The following SBNO2 variants were observed in gnomAD, a reference collection of about 807,000 sequenced individuals.
SBNO2 encodes protein strawberry notch homolog 2.
SBNO2 carries 89 observed loss-of-function variants against 146.3 expected under a neutral mutation model. That is an observed-to-expected ratio of 0.61 (90% CI 0.51 to 0.73). The LOEUF (loss-of-function observed/expected upper bound fraction) is 0.73, where lower values mean the gene tolerates loss of function less well. Ranked by LOEUF, SBNO2 falls within the 30% of genes least tolerant of loss-of-function variation. The pLI is 0.00. For synonymous variants in SBNO2, 1,147 were observed against 892.6 expected, an observed-to-expected ratio of 1.29 and a Z score of -5.08; for missense variants, 2,092 against 2,003.7, an observed-to-expected ratio of 1.04 and a Z score of -0.84.
chr19:1,118,111 A>G (rs1319806366), intron 14 of SBNO2, among the ~76,000 whole-genome samples: 1 of 152,102 alleles, frequency 6.6e-6, no homozygotes, highest in Non-Finnish European at 1.5e-5. Context: ...TGAGGCGGTC[A>G]GATCGCCTGA....
intron 4 of SBNO2, among the ~76,000 whole-genome samples, chr19:1,130,744 A>C (rs368714246): frequency 6.6e-6 from 1 of 152,146 alleles, no homozygotes; most frequent in East Asian, 1.9e-4. Flanking sequence ...GGGAGCCGAG[A>C]TCGTGCCACT....
intron 4 of SBNO2, among the ~76,000 whole-genome samples, chr19:1,134,387 C>T (rs1332901323): frequency 3.3e-5 from 5 of 150,252 alleles, no homozygotes; most frequent in Non-Finnish European, 7.4e-5. Context: ...CAGCCTGGCT[C>T]CTGCAGCGCA....
At position 1,108,629 on chromosome 19, in the gene SBNO2, C is replaced by G; in HGVS notation, c.3692G>C (p.Arg1231Thr). 3 of 1,470,084 alleles carry G rather than the reference C, an allele frequency of 2.0e-6. No homozygotes were observed. The highest frequency in any genetic ancestry group is 2.7e-6 in the Non-Finnish European group (3 of 1,119,488). 91.1% of individuals were successfully genotyped at this position (1,470,084 alleles called of 1,614,324 possible). Residue 1231 changes from arginine to threonine, a missense_variant, in exon 32 of 32, where the codon AGG becomes ACG. By Grantham distance (71) the Arg-to-Thr change is moderately conservative. Coordinates refer to ENST00000361757, the MANE Select transcript of SBNO2 (RefSeq NM_014963.3). ...GGGGCAGCCCAGGGCGGGCGCCTGC[C>G]TGCGCTTCACGTCCGCATCCATCAG... is the stretch of plus-strand genomic sequence containing the variant. ...LRLMDADVKR[R>T]QAPALGCPAP...
Position 1,109,340 on chromosome 19 carries a change from C to G in SBNO2, c.3300G>C (p.Arg1100=). ...TGTCCAGGGCCTCCAGCTGGCTCTG[C>G]CGGCCGATGTTGGGCTTGTACACCG... The part of the protein sequence containing the change: ...FFTVYKPNIG[R]QSQLEALDSL... The change falls in exon 29 of 32, where the codon CGG becomes CGC. Residue 1100 remains arginine (R), a synonymous_variant. Transcript: ENST00000361757. This position sits in a 1 kb window ranked among gnomAD's most constrained non-coding sequence, Gnocchi z 4.2. 1 of 1,594,070 alleles carries G rather than the reference C, an allele frequency of 6.3e-7. No homozygotes were observed. Among genetic ancestry groups the G allele is most frequent in the Non-Finnish European group, 8.5e-7 (1 of 1,171,488 alleles).
At chr19:1,120,227 G>A (rs752418952) in intron 11 of SBNO2, 1 of 584,266 alleles carries the variant, frequency 1.7e-6, no homozygotes, top group Non-Finnish European at 3.1e-6. Context: ...ACCATTAGAT[G>A]GGTGTGGCCT....
At position 1,118,992 on chromosome 19, in the gene SBNO2, G is replaced by C. The variant is rs764490582; in HGVS notation, c.1527+19C>G. 1 of 1,568,978 alleles carries C rather than the reference G, an allele frequency of 6.4e-7. No individual in the cohort carries two copies. On this transcript the variant is annotated intron_variant, in intron 14 of 31. Transcript: ENST00000361757. ...CCGGGAAACGCACAGGGGTCCCCGG[G>C]TCGGGTGCGCAGGCTCACCAGCAGG...
Position 1,157,579 on chromosome 19 carries a change from CG to C in SBNO2, c.-126-3178del, listed in dbSNP as rs1379895842. On this transcript the variant is annotated intron_variant, in intron 1 of 31. Transcript: ENST00000361757. The surrounding 1 kb of genome is among the most constrained non-coding windows in gnomAD (Gnocchi z 6.8). ...ATGCGTGGTGTGGGGGTTGGGGGGG[CG>C]GGGGTCACACGGTTCCCACCTTGGG... is the stretch of plus-strand genomic sequence containing the variant. 7.9e-6 allele frequency among the ~76,000 whole-genome samples: 1 copy of C among 126,050 alleles called. No individual in the cohort carries two copies. Among genetic ancestry groups the C allele is most frequent in the Non-Finnish European group, 1.7e-5 (1 of 58,392 alleles). The allele number at this position is 126,050 out of a possible 152,430, so 82.7% of individuals were successfully genotyped here.
At chr19:1,146,457 C>G (rs569127909) in intron 4 of SBNO2, among the ~76,000 whole-genome samples, 1 of 152,148 alleles carries the variant, frequency 6.6e-6, no homozygotes, top group Non-Finnish European at 1.5e-5. Flanking sequence ...GCCCATCCCC[C>G]CAACAGCTCT....
At chr19:1,171,255 A>G in intron 1 of SBNO2, among the ~76,000 whole-genome samples, 1 of 152,098 alleles carries the variant, frequency 6.6e-6, no homozygotes, top group East Asian at 1.9e-4. Flanking sequence ...TCCGTACAAC[A>G]CACACACAGA....
rs1057169789 is a variant in SBNO2 at position 1,108,497 on chromosome 19, G to A, written c.3824C>T (p.Ser1275Phe). 25 of 1,218,848 alleles carry A rather than the reference G, an allele frequency of 2.1e-5. No homozygotes were observed. The African/African-American group carries it at 3.4e-4, about 17-fold the overall frequency. The allele number at this position is 1,218,848 out of a possible 1,614,324, so 75.5% of individuals were successfully genotyped here. The change falls in exon 32 of 32, where the codon TCT becomes TTT. Residue 1275 changes from serine to phenylalanine, a missense_variant. By Grantham distance (155) the Ser-to-Phe change is radical. Coordinates refer to ENST00000361757, the MANE Select transcript of SBNO2 (RefSeq NM_014963.3). ...AEAFPPPPHFSFPAPLSLDAG... is the reference protein window; with the variant it reads ...AEAFPPPPHFFFPAPLSLDAG... ...GTCCAGGGACAGCGGCGCCGGGAAA[G>A]AGAAGTGCGGGGGCGGCGGGAAGGC...
rs1471916238 is a variant in SBNO2, at chr19:1,162,457, C to T, written c.-126-8055G>A. On this transcript the variant is annotated intron_variant, in intron 1 of 31. Transcript: ENST00000361757. ...CCTGGGTGAAAGAGCGAGACTCCGTCTCAAAAAAAAAAAAAGAAACGCTGT... is the reference window on the plus strand; with the variant it reads ...CCTGGGTGAAAGAGCGAGACTCCGTTTCAAAAAAAAAAAAAGAAACGCTGT... Among the ~76,000 whole-genome samples, 40 of 133,168 alleles carry T rather than the reference C, an allele frequency of 3.0e-4. No individual in the cohort carries two copies. The Admixed American group carries it at 3.3e-3, about 11-fold the overall frequency. 87.4% of individuals were successfully genotyped at this position (133,168 alleles called of 152,430 possible). A position where few individuals can be genotyped will look rare whatever the true frequency, so the allele number is the denominator to read the frequency against.
chr19:1,165,370 G>A (rs369790732), intron 1 of SBNO2, among the ~76,000 whole-genome samples: 1 of 152,174 alleles, frequency 6.6e-6, no homozygotes. Flanking sequence ...GGGGGACGTC[G>A]TGGCTGAGAT....
Position 1,119,924 on chromosome 19 carries a change from C to A in SBNO2, c.1249G>T (p.Val417Phe). The change falls in exon 12 of 32, where the codon GTC becomes TTC. Residue 417 changes from valine (V) to phenylalanine (F), a missense_variant. Physicochemically the swap from Val to Phe is conservative, Grantham distance 50. Coordinates refer to ENST00000361757, the MANE Select transcript of SBNO2 (RefSeq NM_014963.3). ...GCCCCACCTGTGGCGCTGGCGTAGA[C>A]CACGCGGGCCAGGGGCAGCTTGTTC... ...LQNKLPLARVVYASATGASEP... is the reference protein window; with the variant it reads ...LQNKLPLARVFYASATGASEP... The A allele has an allele frequency of 6.5e-7, 1 of 1,548,240 alleles. No homozygotes were observed.
At position 1,127,650 on chromosome 19, in the gene SBNO2, A is replaced by C. The variant is rs1455070251; in HGVS notation, c.395T>G (p.Val132Gly). 6.2e-7 allele frequency: 1 copy of C among 1,613,454 alleles called. No individual in the cohort carries two copies. The highest frequency in any genetic ancestry group is 1.1e-5 in the South Asian group (1 of 91,084). ...DFLPADSLNQ[V>G]STIWDDNPAP... ...AGGGTTATCGTCCCAGATGGTGGAC[A>C]CCTGGTTGAGGCTGTCAGCCGGCAG... Residue 132 changes from valine to glycine, a missense_variant, in exon 5 of 32, where the codon GTG (valine) becomes GGG (glycine). Physicochemically the swap from Val to Gly is moderately radical, Grantham distance 109 (BLOSUM62 -3). Coordinates refer to ENST00000361757, the MANE Select transcript of SBNO2 (RefSeq NM_014963.3).
In SBNO2 at chr19:1,111,573, C is replaced by T; in HGVS notation, c.2742G>A (p.Leu914=). 1 of 1,597,784 alleles carries T rather than the reference C, an allele frequency of 6.3e-7. No individual in the cohort carries two copies. The highest frequency in any genetic ancestry group is 8.5e-7 in the Non-Finnish European group (1 of 1,172,496). Reference sequence around the variant, plus strand: ...CAGGCACTTTGTTCTCAGTCTGGCTCAGGATGGTGGTGAGGACACAGTGCA... The same window carrying T: ...CAGGCACTTTGTTCTCAGTCTGGCTTAGGATGGTGGTGAGGACACAGTGCA... ...RALHCVLTTI[L]SQTENKVPVP... is the part of the protein sequence containing the mutation. The change falls in exon 24 of 32, where the codon CTG becomes CTA. Residue 914 remains leucine (L), a synonymous_variant. Transcript: ENST00000361757.
chr19:1,129,817 AC>A (rs2080008218), intron 4 of SBNO2, among the ~76,000 whole-genome samples: 1 of 152,098 alleles, frequency 6.6e-6, no homozygotes. Context: ...AGCTCCCCAA[AC>A]CCAAATGCGT....
In SBNO2 at chr19:1,108,221, C is replaced by A; in HGVS notation, c.4100G>T (p.Ter1367LeuextTer29). ...PPFPGAQAPL[*>L] ...GGGCATGTTTCGCCTAAAGGCGTGT[C>A]AGAGAGGAGCCTGGGCGCCGGGGAA... is the stretch of plus-strand genomic sequence containing the variant. The change falls in exon 32 of 32, where the codon TGA becomes TTA. Residue 1367 changes from the stop codon to leucine (L), a stop_lost. Coordinates refer to ENST00000361757, the MANE Select transcript of SBNO2 (RefSeq NM_014963.3). 2 of 1,527,356 alleles carry A rather than the reference C, an allele frequency of 1.3e-6. No homozygotes were observed. The highest frequency in any genetic ancestry group is 1.8e-6 in the Non-Finnish European group (2 of 1,135,252). 94.6% of individuals were successfully genotyped at this position (1,527,356 alleles called of 1,614,324 possible). A position where few individuals can be genotyped will look rare whatever the true frequency, so the allele number is the denominator to read the frequency against.
At chr19:1,116,363 C>T (rs765322403) in intron 16 of SBNO2, among the ~76,000 whole-genome samples, 38 of 150,654 alleles carry the variant, frequency 2.5e-4, no homozygotes, top group Non-Finnish European at 4.3e-4. Flanking sequence ...ATGATGATGG[C>T]TCCCAGGACA....
Position 1,122,100 on chromosome 19 carries a change from A to G in SBNO2, c.1149+39T>C, listed in dbSNP as rs371857260. The G allele has an allele frequency of 7.8e-6, 10 of 1,275,980 alleles. No homozygotes were observed. The East Asian group carries it at 1.2e-4, about 16-fold the overall frequency. The allele number at this position is 1,275,980 out of a possible 1,614,324, so 79.0% of individuals were successfully genotyped here. On this transcript the variant is annotated intron_variant, in intron 11 of 31. Transcript: ENST00000361757. ...ATCCTCCTTTTCCCTCCGACCCCCT[A>G]ATCCAGCCCTCCCCTCCCGATTGCC...
Sources: gnomAD v4.1 joint callset for allele counts (sites outside exome capture counted in the v4.1 genomes callset) on GRCh38, gnomAD v4.1.1 for gene constraint, Gnocchi (gnomAD v3.1) non-coding constraint, MANE v1.5 for transcripts, NCBI Gene and HGNC (gene_info 2026-07-23, HGNC 2026-07-21) for gene names.